Variants in ARID4A observed in about 807,000 individuals in gnomAD.
The protein encoded by ARID4A is AT-rich interactive domain-containing protein 4A.
In ARID4A, 39 loss-of-function variants were observed where a neutral mutation model predicts 148.6. The ratio of observed to expected loss-of-function variants is 0.26; its 90% confidence interval spans 0.20 to 0.34. The LOEUF (loss-of-function observed/expected upper bound fraction) is 0.34. Ranked by LOEUF, ARID4A falls within the 10% of genes least tolerant of loss-of-function variation. The pLI is 1.00. For missense variants in ARID4A, 1,265 were observed against 1,449.1 expected (o/e 0.87, Z 2.06); for synonymous variants, 475 against 481.2 (o/e 0.99, Z 0.17).
intron 11 of ARID4A, among the ~76,000 whole-genome samples, chr14:58,337,492 GTAAATT>G (rs1332181957): frequency 1.3e-5 from 2 of 151,714 alleles, no homozygotes; most frequent in Non-Finnish European, 2.9e-5. Flanking sequence ...AATTGTTGTA[GTAAATT>G]ACTCTTTGAA....
intron 3 of ARID4A, among the ~76,000 whole-genome samples, chr14:58,303,144 T>C (rs1192673548): frequency 6.6e-6 from 1 of 152,164 alleles, no homozygotes; most frequent in Non-Finnish European, 1.5e-5. Flanking sequence ...GTTAATGAAG[T>C]CCTCCTTAAA....
At chr14:58,363,366 A>G (rs1228402780) in intron 19 of ARID4A, among the ~76,000 whole-genome samples, 1 of 152,136 alleles carries the variant, frequency 6.6e-6, no homozygotes, top group Non-Finnish European at 1.5e-5. Context: ...CTTGTCTGTT[A>G]AGAATATTTA....
rs556360279 is a variant in ARID4A, at chr14:58,319,846, C to G, written c.449+1041C>G. Among the ~76,000 whole-genome samples, 8 of 151,406 alleles carry G rather than the reference C, an allele frequency of 5.3e-5. No individual in the cohort carries two copies. In the East Asian group the frequency reaches 1.4e-3, roughly 26 times the overall value. Reference sequence around the variant, plus strand: ...ATAGATATGAGCCACTGCACCTGGCCTAATGTCTATATACTCTTTATCTAG... The same window carrying G: ...ATAGATATGAGCCACTGCACCTGGCGTAATGTCTATATACTCTTTATCTAG... On this transcript the variant is annotated intron_variant, in intron 7 of 23. Transcript: ENST00000355431.
chr14:58,322,574 T>C (rs1474427943), intron 7 of ARID4A, among the ~76,000 whole-genome samples: 1 of 152,186 alleles, frequency 6.6e-6, no homozygotes, highest in Non-Finnish European at 1.5e-5. Context: ...AAAAATATAA[T>C]GAACCAAGTG....
chr14:58,369,212 G>T lies in ARID4A; in HGVS notation c.3670+2183G>T, dbSNP rs534943802. On this transcript the variant is annotated intron_variant, in intron 23 of 23. Transcript: ENST00000355431. ...TAAACAAGAGGAAGTTGTCATCAAA[G>T]ATATTTTTAAAATTCTAGAACTGAA... Among the ~76,000 whole-genome samples the T allele has an allele frequency of 3.3e-5, 5 of 152,260 alleles. No individual in the cohort carries two copies. In the South Asian group the frequency reaches 8.3e-4, roughly 25 times the overall value.
chr14:58,340,721 G>C (rs1466216643), intron 11 of ARID4A, among the ~76,000 whole-genome samples: 4 of 152,026 alleles, frequency 2.6e-5, no homozygotes, highest in Non-Finnish European at 5.9e-5. Context: ...CTGACCTCAG[G>C]TAATCCACCT....
intron 22 of ARID4A, 67 bp from the exon 23 acceptor site, chr14:58,366,815 TA>T: frequency 8.0e-7 from 1 of 1,243,096 alleles, no homozygotes; most frequent in Non-Finnish European, 1.1e-6. Flanking sequence ...AGACGTTTGA[TA>T]GAATTGTCAT....
intron 18 of ARID4A, among the ~76,000 whole-genome samples, 194 bp from the exon 19 acceptor site, chr14:58,360,707 C>T (rs1333729067): frequency 6.6e-6 from 1 of 152,158 alleles, no homozygotes; most frequent in Non-Finnish European, 1.5e-5. Flanking sequence ...ATTTCCGTGA[C>T]ACTAATGTTA....
intron 5 of ARID4A, among the ~76,000 whole-genome samples, chr14:58,310,676 C>T (rs1448638579): frequency 6.8e-6 from 1 of 146,686 alleles, no homozygotes; most frequent in African/African-American, 2.5e-5. Flanking sequence ...TAGAAGAAAA[C>T]ATAGGGGAAG....
chr14:58,362,097 A>G (rs2140264581), intron 19 of ARID4A, among the ~76,000 whole-genome samples: 1 of 152,324 alleles, frequency 6.6e-6, no homozygotes, highest in African/African-American at 2.4e-5. Context: ...ACTTTCCCTC[A>G]AAGCCTGTAC....
chr14:58,336,259 A>G (rs1476131834), intron 11 of ARID4A, among the ~76,000 whole-genome samples: 1 of 152,224 alleles, frequency 6.6e-6, no homozygotes, highest in Non-Finnish European at 1.5e-5. Flanking sequence ...CTTACACTAA[A>G]TGACATATGT....
At chr14:58,333,788 T>C (rs1275650609) in intron 11 of ARID4A, among the ~76,000 whole-genome samples, 1 of 152,162 alleles carries the variant, frequency 6.6e-6, no homozygotes, top group Non-Finnish European at 1.5e-5. Flanking sequence ...TCAAGATTAC[T>C]TTAGGTATAA....
At chr14:58,312,544 A>G (rs974767501) in intron 5 of ARID4A, among the ~76,000 whole-genome samples, 1 of 152,178 alleles carries the variant, frequency 6.6e-6, no homozygotes, top group African/African-American at 2.4e-5. Context: ...TAAAAAAACT[A>G]CTGGCCTTAC....
chr14:58,363,561 T>G (rs2035225045), intron 19 of ARID4A, among the ~76,000 whole-genome samples: 1 of 152,028 alleles, frequency 6.6e-6, no homozygotes, highest in South Asian at 2.1e-4. Flanking sequence ...TAGCCGGGCG[T>G]GGTGGCCTGC....
At chr14:58,322,035 A>G (rs891801874) in intron 7 of ARID4A, among the ~76,000 whole-genome samples, 1 of 151,640 alleles carries the variant, frequency 6.6e-6, no homozygotes, top group African/African-American at 2.4e-5. Context: ...TAGTGGTGCG[A>G]TCTTGGCTCA....
intron 7 of ARID4A, among the ~76,000 whole-genome samples, chr14:58,322,217 G>A (rs542300258): frequency 2.6e-5 from 4 of 152,000 alleles, no homozygotes; most frequent in East Asian, 3.9e-4. Context: ...GGATCCACCC[G>A]CCTCGGCCTC....
Position 58,358,549 on chromosome 14 carries a change from G to A in ARID4A, c.1854-583G>A, listed in dbSNP as rs969938469. Among the ~76,000 whole-genome samples, 4 of 152,110 alleles carry A rather than the reference G, an allele frequency of 2.6e-5. 1 individual carries two copies. Reference sequence around the variant, plus strand: ...TAGGGGAAATGAGTTTTCAACTTAAGCTAAACAGAATAAACTTAGATAAAG... The same window carrying A: ...TAGGGGAAATGAGTTTTCAACTTAAACTAAACAGAATAAACTTAGATAAAG... On this transcript the variant is annotated intron_variant, in intron 17 of 23. Transcript: ENST00000355431.
At chr14:58,359,274 G>A (rs2035027518) in intron 18 of ARID4A, 58 bp downstream of exon 18, 13 of 1,501,022 alleles carry the variant, frequency 8.7e-6, no homozygotes, top group Middle Eastern at 2.3e-4. Context: ...AAATTGTATT[G>A]TGTGTTTTTT....
intron 8 of ARID4A, among the ~76,000 whole-genome samples, chr14:58,323,896 CTTTTTTTTTTTTTTTTTT>C (rs545318449): frequency 5.8e-5 from 6 of 104,178 alleles, no homozygotes; most frequent in Non-Finnish European, 2.0e-5. Context: ...CTTAGGTTCC[CTTTTTTTTTTTTTTTTTT>C]TTTTTTTTGA....
Sources: gnomAD v4.1 joint callset for allele counts (sites outside exome capture counted in the v4.1 genomes callset) on GRCh38, gnomAD v4.1.1 for gene constraint, MANE v1.5 for transcripts, NCBI Gene and HGNC (gene_info 2026-07-23, HGNC 2026-07-21) for gene names.